Variants in CHIA observed in about 807,000 individuals in gnomAD.
CHIA encodes the protein chitinase acidic.
A neutral mutation model predicts 53.5 loss-of-function variants in CHIA; 47 were observed. The observed-to-expected ratio is 0.88, with a 90% CI of 0.70 to 1.12. CHIA has a LOEUF of 1.12. Among genes scored for constraint, CHIA ranks in the 50% most tolerant of loss-of-function variants. The probability of loss-of-function intolerance (pLI) is 0.00; values close to 1 mark genes in which losing one functional copy is unlikely to be tolerated. For missense variants in CHIA, 652 were observed against 592.2 expected, an observed-to-expected ratio of 1.10 and a Z score of -1.05; for synonymous variants, 268 against 222.2, an observed-to-expected ratio of 1.21 and a Z score of -1.83.
At chr1:111,310,567 A>G (rs187920155) in intron 2 of CHIA, 75 bp downstream of exon 2, 15 of 1,610,948 alleles carry the variant, frequency 9.3e-6, no homozygotes, top group African/African-American at 5.4e-5. Flanking sequence ...AAAATCATGA[A>G]GTGGTCTTCA....
At chr1:111,315,601 G>A in intron 6 of CHIA, 166 bp downstream of exon 6, 6 of 693,000 alleles carry the variant, frequency 8.7e-6, no homozygotes, top group Non-Finnish European at 1.2e-5. Context: ...ACATTTAATG[G>A]CAACAACAAA....
In CHIA at chr1:111,320,333, GAGC is replaced by G; in HGVS notation, c.1299_1301del (p.Arg433_Ala434delinsSer). The G allele has an allele frequency of 6.2e-7, 1 of 1,614,226 alleles. No homozygotes were observed. The highest frequency in any genetic ancestry group is 8.5e-7 in the Non-Finnish European group (1 of 1,180,042). On this transcript the variant is annotated inframe_deletion, in exon 12 of 12. Coordinates refer to ENST00000369740, the MANE Select transcript of CHIA (RefSeq NM_201653.4). Reference sequence around the variant, plus strand: ...GGAGGCAGTGGATTCTGTGCTGTCAGAGCCAACGGCCTCTACCCCGTGGCAAAT... The same window carrying G: ...GGAGGCAGTGGATTCTGTGCTGTCAGCAACGGCCTCTACCCCGTGGCAAAT...
intron 1 of CHIA, 26 bp from the exon 2 acceptor site, chr1:111,310,374 T>A: frequency 6.3e-7 from 1 of 1,599,692 alleles, no homozygotes; most frequent in Non-Finnish European, 8.5e-7. Flanking sequence ...TACATACACA[T>A]CTGGGTCAAA....
intron 9 of CHIA, 95 bp downstream of exon 9, chr1:111,318,773 T>C (rs1571306197): frequency 7.4e-7 from 1 of 1,348,554 alleles, no homozygotes; most frequent in East Asian, 2.3e-5. Flanking sequence ...TTCTGTCTCC[T>C]ACCTAAATGC....
chr1:111,293,266 G>T (rs1661136069), intron 1 of CHIA, among the ~76,000 whole-genome samples: 4 of 152,194 alleles, frequency 2.6e-5, no homozygotes, highest in African/African-American at 9.6e-5. Flanking sequence ...TTTTTTGATA[G>T]TAGCCATCCT....
intron 1 of CHIA, among the ~76,000 whole-genome samples, chr1:111,298,650 C>G (rs923858412): frequency 2.0e-5 from 3 of 152,016 alleles, no homozygotes; most frequent in East Asian, 1.9e-4. Context: ...GATCTAAAAT[C>G]AACACCCTAA....
Position 111,317,758 on chromosome 1 carries a change from T to G in CHIA, c.558T>G (p.Ala186=). The G allele has an allele frequency of 6.2e-7, 1 of 1,613,860 alleles. No homozygotes were observed. Among genetic ancestry groups the G allele is most frequent in the Non-Finnish European group, 8.5e-7 (1 of 1,180,030 alleles). Reference sequence around the variant, plus strand: ...TGATGGTCACTGCTGCAGTAGCTGCTGGCATCTCCAATATCCAGTCTGGCT... The same window carrying G: ...TGATGGTCACTGCTGCAGTAGCTGCGGGCATCTCCAATATCCAGTCTGGCT... ...PRLMVTAAVA[A]GISNIQSGYE... Residue 186 remains alanine, a synonymous_variant, in exon 7 of 12, where the codon GCT becomes GCG. Coordinates refer to ENST00000369740, the MANE Select transcript of CHIA (RefSeq NM_201653.4).
chr1:111,315,092 T>C, intron 5 of CHIA, 178 bp from the exon 6 acceptor site: 1 of 592,926 alleles, frequency 1.7e-6, no homozygotes, highest in Non-Finnish European at 3.0e-6. Flanking sequence ...AATGTTAAGA[T>C]ACCATGGCTG....
At chr1:111,307,260 T>A (rs1414006077) in intron 1 of CHIA, among the ~76,000 whole-genome samples, 1 of 152,228 alleles carries the variant, frequency 6.6e-6, no homozygotes. Flanking sequence ...TGGAATACCA[T>A]AGAGCTATGA....
At position 111,310,450 on chromosome 1, in the gene CHIA, C is replaced by G; in HGVS notation, c.-18C>G. 6.2e-7 allele frequency: 1 copy of G among 1,614,176 alleles called. No individual in the cohort carries two copies. Among genetic ancestry groups the G allele is most frequent in the Non-Finnish European group, 8.5e-7 (1 of 1,180,022 alleles). ...AGAACATATAAAAAGCTCTGCGGGACTGGTGCTGACTGCAACCATGACAAA... is the reference window on the plus strand; with the variant it reads ...AGAACATATAAAAAGCTCTGCGGGAGTGGTGCTGACTGCAACCATGACAAA... On this transcript the variant is annotated 5_prime_UTR_variant, in exon 2 of 12. Coordinates refer to ENST00000369740, the MANE Select transcript of CHIA (RefSeq NM_201653.4).
intron 3 of CHIA, 54 bp downstream of exon 3, chr1:111,311,772 A>G (rs1648700640): frequency 2.5e-6 from 4 of 1,578,164 alleles, no homozygotes; most frequent in Admixed American, 1.7e-5. Flanking sequence ...GAGATAAACC[A>G]TACTATGGAA....
intron 1 of CHIA, among the ~76,000 whole-genome samples, chr1:111,307,148 A>G (rs1304167043): frequency 6.6e-6 from 1 of 152,242 alleles, no homozygotes; most frequent in Non-Finnish European, 1.5e-5. Context: ...AGACATGTGT[A>G]CAGGAACGCT....
chr1:111,291,873 A>C (rs1661046159), intron 1 of CHIA, among the ~76,000 whole-genome samples: 1 of 151,838 alleles, frequency 6.6e-6, no homozygotes, highest in African/African-American at 2.4e-5. Context: ...TAAAGAGCTA[A>C]AGCATGTGGG....
At chr1:111,294,699 A>G (rs1203240918) in intron 1 of CHIA, among the ~76,000 whole-genome samples, 2 of 152,194 alleles carry the variant, frequency 1.3e-5, no homozygotes, top group African/African-American at 4.8e-5. Context: ...AGCTTTTATT[A>G]TATTGAGGTA....
chr1:111,295,688 G>A (rs535110741), intron 1 of CHIA, among the ~76,000 whole-genome samples: 23 of 151,624 alleles, frequency 1.5e-4, no homozygotes, highest in Non-Finnish European at 3.1e-4. Context: ...GAGGTACCGG[G>A]TTCATCTCAT....
chr1:111,313,997 C>T (rs2820071), intron 4 of CHIA, among the ~76,000 whole-genome samples: 26,055 of 152,040 alleles, frequency 0.17, 3,047 homozygotes, highest in African/African-American at 0.33. Context: ...TGTGAGGTAC[C>T]TGAGTAAGTG....
intron 4 of CHIA, among the ~76,000 whole-genome samples, chr1:111,312,729 T>C (rs1291688640): frequency 1.3e-5 from 2 of 152,180 alleles, no homozygotes; most frequent in East Asian, 3.8e-4. Flanking sequence ...TGTTGTACAA[T>C]AGACCTCTGC....
chr1:111,296,413 G>A (rs1259304808), intron 1 of CHIA, among the ~76,000 whole-genome samples: 1 of 152,180 alleles, frequency 6.6e-6, no homozygotes, highest in Non-Finnish European at 1.5e-5. Flanking sequence ...GCCTCCACTG[G>A]TAATACCCAG....
intron 1 of CHIA, 37 bp from the exon 2 acceptor site, chr1:111,310,363 C>T: frequency 1.9e-6 from 3 of 1,587,422 alleles, no homozygotes; most frequent in Non-Finnish European, 2.6e-6. Flanking sequence ...TACTGATTAA[C>T]TACATACACA....
Sources: allele counts gnomAD v4.1 joint callset (sites outside exome capture counted in the v4.1 genomes callset), GRCh38; gene constraint gnomAD v4.1.1; transcripts MANE v1.5; gene names NCBI Gene and HGNC (gene_info 2026-07-23, HGNC 2026-07-21).